Variants in SHANK2 observed in about 807,000 individuals in gnomAD.
SHANK2 encodes the protein SH3 and multiple ankyrin repeat domains protein 2.
A neutral mutation model predicts 133.7 loss-of-function variants in SHANK2; 43 were observed. The observed-to-expected ratio is 0.32, with a 90% CI of 0.25 to 0.41. The LOEUF (loss-of-function observed/expected upper bound fraction) is 0.41, where lower values mean the gene tolerates loss of function less well. Ranked by LOEUF, SHANK2 falls within the 10% of genes least tolerant of loss-of-function variation. SHANK2 has a pLI of 1.00. For synonymous variants in SHANK2, 1,017 were observed against 952.8 expected (o/e 1.07, Z -1.24); for missense variants, 1,994 against 2,235.8 (o/e 0.89, Z 2.18).
chr11:71,176,111 G>A (rs782230875), intron 2 of SHANK2, among the ~76,000 whole-genome samples: 2 of 152,194 alleles, frequency 1.3e-5, no homozygotes, highest in Non-Finnish European at 2.9e-5. Flanking sequence ...TCATGGGGCA[G>A]TGAACATACA....
At chr11:70,664,799 G>A (rs1944649186) in intron 15 of SHANK2, among the ~76,000 whole-genome samples, 2 of 152,226 alleles carry the variant, frequency 1.3e-5, no homozygotes, top group Non-Finnish European at 2.9e-5. Flanking sequence ...AGTGTGGCTG[G>A]TGGAGGCACA....
intron 11 of SHANK2, among the ~76,000 whole-genome samples, chr11:70,879,918 G>A (rs1172871437): frequency 1.3e-5 from 2 of 152,222 alleles, no homozygotes; most frequent in African/African-American, 4.8e-5. Flanking sequence ...GCCTCTCCCA[G>A]GAATGGTGAC....
At chr11:70,716,902 C>A (rs1485096538) in intron 14 of SHANK2, among the ~76,000 whole-genome samples, 1 of 150,276 alleles carries the variant, frequency 6.7e-6, no homozygotes, top group Non-Finnish European at 1.5e-5. Flanking sequence ...GGAGCCCCCC[C>A]CCCGCCCAAC....
rs1325369502 is a variant in SHANK2 at position 71,175,537 on chromosome 11, AGG to A, written c.-12-28201_-12-28200del. Among the ~76,000 whole-genome samples the A allele has an allele frequency of 4.7e-5, 4 of 85,918 alleles. No homozygotes were observed. The highest frequency in any genetic ancestry group is 4.2e-4 in the East Asian group (1 of 2,404). 56.4% of individuals were successfully genotyped at this position (85,918 alleles called of 152,430 possible). A position where few individuals can be genotyped will look rare whatever the true frequency, so the allele number is the denominator to read the frequency against. ...CAGAAACAGACAGACAGACAGACAG[AGG>A]GAGAGGGAGAGGGAGAGAGAGAGAG... On this transcript the variant is annotated intron_variant, in intron 2 of 25. Transcript: ENST00000601538. This position sits in a 1 kb window ranked among gnomAD's most constrained non-coding sequence, Gnocchi z 4.2.
chr11:70,696,212 G>C (rs1945388435), intron 15 of SHANK2, among the ~76,000 whole-genome samples: 1 of 152,184 alleles, frequency 6.6e-6, no homozygotes, highest in Non-Finnish European at 1.5e-5. Context: ...AGCCACAATA[G>C]TTCTGCAAGT....
intron 17 of SHANK2, among the ~76,000 whole-genome samples, chr11:70,551,060 C>A (rs1217512002): frequency 6.6e-6 from 1 of 152,172 alleles, no homozygotes; most frequent in African/African-American, 2.4e-5. Context: ...TGCCAGCGGA[C>A]CCCCTCCCAC....
chr11:71,201,583 G>A (rs1555117152), intron 2 of SHANK2, among the ~76,000 whole-genome samples: 1 of 152,212 alleles, frequency 6.6e-6, no homozygotes, highest in African/African-American at 2.4e-5. Flanking sequence ...TCTCTTTCAA[G>A]CCCAGACACC....
At chr11:70,842,431 G>T (rs1555062006) in intron 11 of SHANK2, among the ~76,000 whole-genome samples, 2 of 152,216 alleles carry the variant, frequency 1.3e-5, no homozygotes, top group African/African-American at 2.4e-5. Context: ...CTGGGGTTTC[G>T]CTGTGCCACC....
intron 14 of SHANK2, among the ~76,000 whole-genome samples, chr11:70,779,055 C>T (rs1375633040): frequency 2.0e-5 from 3 of 152,134 alleles, no homozygotes; most frequent in Middle Eastern, 3.4e-3. Flanking sequence ...TGGGAGGGGA[C>T]GAGGAAGGCC....
chr11:70,709,912 C>T (rs1369240808), intron 14 of SHANK2, among the ~76,000 whole-genome samples: 3 of 152,044 alleles, frequency 2.0e-5, no homozygotes, highest in African/African-American at 4.8e-5. Context: ...AGGATGTCCT[C>T]GGAGCTGAGT....
intron 17 of SHANK2, among the ~76,000 whole-genome samples, chr11:70,517,738 G>A (rs944048052): frequency 6.6e-6 from 1 of 152,210 alleles, no homozygotes; most frequent in South Asian, 2.1e-4. Flanking sequence ...GAAGCACAGA[G>A]AATTTTTGAG....
At chr11:70,591,795 T>A (rs888800383) in intron 17 of SHANK2, among the ~76,000 whole-genome samples, 1 of 152,040 alleles carries the variant, frequency 6.6e-6, no homozygotes, top group Non-Finnish European at 1.5e-5. Flanking sequence ...GGAGGGTGGA[T>A]CACTTGAGGT....
intron 17 of SHANK2, among the ~76,000 whole-genome samples, chr11:70,567,564 T>G (rs2059983591): frequency 1.3e-5 from 2 of 150,218 alleles, no homozygotes; most frequent in African/African-American, 4.9e-5. Flanking sequence ...GAAGTGGAGG[T>G]TGCAGTGAGC....
chr11:70,749,370 A>C (rs1946710625), intron 14 of SHANK2, among the ~76,000 whole-genome samples: 1 of 152,242 alleles, frequency 6.6e-6, no homozygotes, highest in Admixed American at 6.5e-5. Flanking sequence ...TGAGACTTTA[A>C]CCACTGAAGG....
At chr11:71,070,763 A>C (rs879103785) in intron 9 of SHANK2, among the ~76,000 whole-genome samples, 84,649 of 152,250 alleles carry the variant, frequency 0.56, 27,811 homozygotes, top group East Asian at 0.76. Flanking sequence ...GTGGCAGTTG[A>C]ATCGTTATGA....
At chr11:70,643,143 T>C (rs2061209095) in intron 17 of SHANK2, among the ~76,000 whole-genome samples, 1 of 152,208 alleles carries the variant, frequency 6.6e-6, no homozygotes, top group Non-Finnish European at 1.5e-5. Context: ...CGGGTTACCT[T>C]GGAGGAAGGC....
At chr11:70,725,791 G>C (rs1225356948) in intron 14 of SHANK2, among the ~76,000 whole-genome samples, 2 of 152,222 alleles carry the variant, frequency 1.3e-5, no homozygotes, top group Non-Finnish European at 2.9e-5. Context: ...GACCTCTGAA[G>C]ACAACTGAAA....
At chr11:70,950,918 C>T (rs1950825743) in intron 10 of SHANK2, 1 of 163,312 alleles carries the variant, frequency 6.1e-6, no homozygotes. Flanking sequence ...ATCTGCCTGC[C>T]TAGGCCTCCC....
intron 3 of SHANK2, among the ~76,000 whole-genome samples, chr11:71,142,572 G>A (rs1426036190): frequency 6.6e-6 from 1 of 152,018 alleles, no homozygotes; most frequent in Non-Finnish European, 1.5e-5. Flanking sequence ...AAAGCAATTA[G>A]AGAAAAAGAT....
Sources: allele counts gnomAD v4.1 joint callset (sites outside exome capture counted in the v4.1 genomes callset), GRCh38; gene constraint gnomAD v4.1.1; non-coding constraint Gnocchi (gnomAD v3.1); transcripts MANE v1.5; gene names NCBI Gene and HGNC (gene_info 2026-07-23, HGNC 2026-07-21).